Variants in NLGN4X observed in about 807,000 individuals in gnomAD.
NLGN4X encodes the protein neuroligin-4, X-linked.
In NLGN4X, 3 loss-of-function variants were observed where a neutral mutation model predicts 40.3. The observed-to-expected ratio is 0.07, with a 90% CI of 0.03 to 0.19. The LOEUF is 0.19. Ranked by LOEUF, NLGN4X falls within the 10% of genes least tolerant of loss-of-function variation. The pLI is 1.00. For missense variants in NLGN4X, 382 were observed against 708.3 expected (o/e 0.54, Z 5.23); for synonymous variants, 270 against 306.8 (o/e 0.88, Z 1.25).
chrX:6,023,469 A>G (rs979158689), intron 3 of NLGN4X, among the ~76,000 whole-genome samples: 3 of 112,361 alleles, frequency 2.7e-5, no homozygotes. Context: ...TTACTAATTC[A>G]TACTTGACAT....
At chrX:6,004,275 C>T (rs184169532) in intron 3 of NLGN4X, among the ~76,000 whole-genome samples, 213 of 111,836 alleles carry the variant, frequency 1.9e-3, no homozygotes, top group Middle Eastern at 0.019. Context: ...ACAAACGTGC[C>T]CCTTGCATAC....
intron 3 of NLGN4X, among the ~76,000 whole-genome samples, chrX:5,958,185 A>G (rs1266065287): frequency 8.9e-6 from 1 of 111,921 alleles, no homozygotes; most frequent in Non-Finnish European, 1.9e-5. Flanking sequence ...GGGAGCAGTG[A>G]GAACAAAAGT....
At chrX:5,927,480 G>A (rs935323591) in intron 3 of NLGN4X, among the ~76,000 whole-genome samples, 1 of 112,305 alleles carries the variant, frequency 8.9e-6, no homozygotes, top group African/African-American at 3.2e-5. Flanking sequence ...CTGTATTATA[G>A]GTTCTTCTAA....
intron 3 of NLGN4X, among the ~76,000 whole-genome samples, chrX:6,009,969 G>A (rs553086012): frequency 1.3e-4 from 15 of 112,040 alleles, no homozygotes; most frequent in African/African-American, 4.5e-4. Flanking sequence ...GTTCTATGGC[G>A]ATTTGAATTT....
At chrX:6,063,723 C>T (rs2037830005) in intron 2 of NLGN4X, among the ~76,000 whole-genome samples, 1 of 112,239 alleles carries the variant, frequency 8.9e-6, no homozygotes, top group Admixed American at 9.4e-5. Context: ...TATGCTGATA[C>T]ATAAGCCATT....
chrX:6,212,802 T>A (rs1285947963), intron 1 of NLGN4X, among the ~76,000 whole-genome samples: 1 of 111,829 alleles, frequency 8.9e-6, no homozygotes, highest in African/African-American at 3.2e-5. Context: ...TACTTGCTAT[T>A]CAAGTGAATA....
chrX:6,126,244 C>T (rs2147601146), intron 2 of NLGN4X, among the ~76,000 whole-genome samples: 1 of 111,443 alleles, frequency 9.0e-6, no homozygotes, highest in South Asian at 3.7e-4. Flanking sequence ...CTCCTCAACG[C>T]TGCATTTACA....
chrX:5,955,724 A>C (rs898841008), intron 3 of NLGN4X, among the ~76,000 whole-genome samples: 9 of 109,653 alleles, frequency 8.2e-5, no homozygotes, highest in Middle Eastern at 4.6e-3. Context: ...AAATGATAGG[A>C]AACTCTCATT....
At chrX:6,058,805 C>A (rs1324289126) in intron 2 of NLGN4X, among the ~76,000 whole-genome samples, 2 of 111,534 alleles carry the variant, frequency 1.8e-5, no homozygotes, top group Non-Finnish European at 3.8e-5. Flanking sequence ...AATTATACAA[C>A]CTGTTTAAAA....
Position 6,209,798 on chromosome X carries a change from G to A in NLGN4X, c.-306+18743C>T, listed in dbSNP as rs142292479. 7.1e-3 allele frequency among the ~76,000 whole-genome samples: 800 copies of A among 111,950 alleles called. 6 individuals are homozygous for A. Among genetic ancestry groups the A allele is most frequent in the African/African-American group, 0.024 (725 of 30,819 alleles). On this transcript the variant is annotated intron_variant, in intron 1 of 5. Coordinates refer to ENST00000381095, the MANE Select transcript of NLGN4X (RefSeq NM_181332.3). ...GGCATACTTACATTAGCATAAGAAT[G>A]ATAGCCAACTATCTATAACTGTATA...
intron 2 of NLGN4X, among the ~76,000 whole-genome samples, chrX:6,132,520 C>A (rs1274667149): frequency 1.8e-5 from 2 of 111,631 alleles, no homozygotes; most frequent in Non-Finnish European, 3.8e-5. Flanking sequence ...AGTAGCACCT[C>A]CCCAGCTGTG....
chrX:5,901,586 C>T (rs12394115), intron 5 of NLGN4X, among the ~76,000 whole-genome samples: 4,741 of 110,751 alleles, frequency 0.043, 250 homozygotes, highest in African/African-American at 0.15. Context: ...TGTATATATG[C>T]TTTTTGTATA....
chrX:6,040,054 C>T (rs2037116496), intron 2 of NLGN4X, among the ~76,000 whole-genome samples: 1 of 111,544 alleles, frequency 9.0e-6, no homozygotes, highest in South Asian at 3.8e-4. Flanking sequence ...TCTTCGACCT[C>T]AGCCTCCCGA....
intron 2 of NLGN4X, among the ~76,000 whole-genome samples, chrX:6,135,657 A>C (rs2039797816): frequency 9.0e-6 from 1 of 111,538 alleles, no homozygotes; most frequent in African/African-American, 3.3e-5. Flanking sequence ...CTGGATATAG[A>C]CATTGGTTGG....
intron 2 of NLGN4X, among the ~76,000 whole-genome samples, chrX:6,129,619 T>C (rs1339236274): frequency 8.9e-6 from 1 of 111,767 alleles, no homozygotes; most frequent in Non-Finnish European, 1.9e-5. Flanking sequence ...TCCTTATTTT[T>C]GAAACGTTTC....
chrX:5,970,243 C>T (rs1393917513), intron 3 of NLGN4X, among the ~76,000 whole-genome samples: 3 of 110,269 alleles, frequency 2.7e-5, no homozygotes, highest in African/African-American at 6.6e-5. Flanking sequence ...ATGTAAATGA[C>T]GAGTTAATGG....
chrX:6,000,712 T>A (rs914098012), intron 3 of NLGN4X, among the ~76,000 whole-genome samples: 12 of 111,697 alleles, frequency 1.1e-4, no homozygotes, highest in African/African-American at 3.6e-4. Context: ...ATTGTCCATA[T>A]CACTATCAGC....
chrX:6,053,562 C>T lies in NLGN4X; in HGVS notation c.473-24130G>A, dbSNP rs896613708. Among the ~76,000 whole-genome samples the T allele has an allele frequency of 2.7e-5, 3 of 111,145 alleles. No individual in the cohort carries two copies. The Admixed American group carries it at 2.9e-4, about 11-fold the overall frequency. ...AGAGCTTTTTTATAGGAGGTCAAAT[C>T]CCTGCATTTACGGGCATATGACTAT... On this transcript the variant is annotated intron_variant, in intron 2 of 5. Transcript: ENST00000381095.
chrX:6,135,754 G>C (rs1252631732), intron 2 of NLGN4X, among the ~76,000 whole-genome samples: 4 of 111,591 alleles, frequency 3.6e-5, no homozygotes, highest in Non-Finnish European at 7.5e-5. Flanking sequence ...AAATGCTGTT[G>C]ACTGCCTACC....
Sources: allele counts gnomAD v4.1 joint callset (sites outside exome capture counted in the v4.1 genomes callset), GRCh38; gene constraint gnomAD v4.1.1; transcripts MANE v1.5; gene names NCBI Gene and HGNC (gene_info 2026-07-23, HGNC 2026-07-21).